The following GRIK1 variants were observed in gnomAD, a reference collection of about 807,000 sequenced individuals.
GRIK1 encodes the protein glutamate ionotropic receptor kainate type subunit 1.
In GRIK1, 69 loss-of-function variants were observed where a neutral mutation model predicts 105.7. That is an observed-to-expected ratio of 0.65 (90% confidence interval 0.54 to 0.80). The LOEUF is 0.80. Ranked by LOEUF, GRIK1 falls within the 30% of genes least tolerant of loss-of-function variation. The pLI is 0.00. For synonymous variants in GRIK1, 438 were observed against 431.3 expected (o/e 1.02, Z -0.19); for missense variants, 1,109 against 1,167.3 (o/e 0.95, Z 0.73).
At chr21:29,685,214 C>T (rs1019613663) in intron 3 of GRIK1, among the ~76,000 whole-genome samples, 1 of 152,126 alleles carries the variant, frequency 6.6e-6, no homozygotes, top group Admixed American at 6.5e-5. Context: ...CAACGTATTG[C>T]AGAAGCCATT....
chr21:29,901,435 A>G (rs11118624), intron 1 of GRIK1, among the ~76,000 whole-genome samples: 1 of 152,178 alleles, frequency 6.6e-6, no homozygotes, highest in Non-Finnish European at 1.5e-5. Context: ...AAAATCAAAT[A>G]GATGCAATAA....
intron 7 of GRIK1, among the ~76,000 whole-genome samples, chr21:29,626,355 C>T (rs1346508322): frequency 2.0e-5 from 3 of 152,284 alleles, no homozygotes; most frequent in Non-Finnish European, 2.9e-5. Flanking sequence ...CACCACTTAA[C>T]GCTGTTGCAT....
At chr21:29,891,249 T>G (rs1019741380) in intron 1 of GRIK1, among the ~76,000 whole-genome samples, 1 of 152,120 alleles carries the variant, frequency 6.6e-6, no homozygotes, top group Non-Finnish European at 1.5e-5. Context: ...TCATAAAAAG[T>G]GAAATATCTC....
At chr21:29,919,876 C>A (rs1022120694) in intron 1 of GRIK1, among the ~76,000 whole-genome samples, 3 of 152,088 alleles carry the variant, frequency 2.0e-5, no homozygotes, top group African/African-American at 7.2e-5. Flanking sequence ...CAGTGAGGAC[C>A]TCTTTGTTCC....
chr21:29,604,075 T>G (rs1309731075), intron 7 of GRIK1, among the ~76,000 whole-genome samples: 1 of 152,200 alleles, frequency 6.6e-6, no homozygotes, highest in African/African-American at 2.4e-5. Context: ...TAGCGGGGTC[T>G]TAAAACCCAG....
chr21:29,846,459 GAGAGAGAAAGAAAGAA>G (rs1569154531), intron 1 of GRIK1, among the ~76,000 whole-genome samples: 7 of 106,210 alleles, frequency 6.6e-5, no homozygotes, highest in African/African-American at 2.0e-4. Context: ...GAAGGAAAGA[GAGAGAGAAAGAAAGAA>G]AGAAAGAAAG....
chr21:29,730,155 T>C (rs2064576934), intron 1 of GRIK1, among the ~76,000 whole-genome samples: 1 of 152,198 alleles, frequency 6.6e-6, no homozygotes, highest in African/African-American at 2.4e-5. Context: ...AGTCCGTACC[T>C]GAAGGAACTG....
chr21:29,636,881 C>A (rs1483570818), intron 7 of GRIK1, among the ~76,000 whole-genome samples: 2 of 152,126 alleles, frequency 1.3e-5, no homozygotes, highest in East Asian at 3.9e-4. Flanking sequence ...TAGCAGACAA[C>A]TTCCAATTGT....
At chr21:29,798,100 G>A (rs1251334751) in intron 1 of GRIK1, among the ~76,000 whole-genome samples, 6 of 152,110 alleles carry the variant, frequency 3.9e-5, no homozygotes, top group Non-Finnish European at 5.9e-5. Flanking sequence ...CCTGAATACC[G>A]ACTGGAAGAA....
intron 1 of GRIK1, among the ~76,000 whole-genome samples, chr21:29,790,495 AC>A (rs1295127751): frequency 1.3e-5 from 2 of 150,850 alleles, no homozygotes; most frequent in Non-Finnish European, 2.9e-5. Flanking sequence ...TCTTGCTGTC[AC>A]CCAGTCTGAA....
chr21:29,924,211 G>A (rs533049779), intron 1 of GRIK1, among the ~76,000 whole-genome samples: 30 of 151,678 alleles, frequency 2.0e-4, no homozygotes, highest in Admixed American at 1.2e-3. Flanking sequence ...GGTGGCGGGC[G>A]CCTGTAATCC....
chr21:29,853,354 AC>A (rs1421626349), intron 1 of GRIK1, among the ~76,000 whole-genome samples: 16 of 152,180 alleles, frequency 1.1e-4, no homozygotes, highest in African/African-American at 3.9e-4. Context: ...ATGTGGCAGC[AC>A]CCTTGGCCAA....
intron 1 of GRIK1, among the ~76,000 whole-genome samples, chr21:29,891,035 A>T (rs1000821383): frequency 6.6e-6 from 1 of 152,214 alleles, no homozygotes; most frequent in Non-Finnish European, 1.5e-5. Flanking sequence ...CTCTGATATA[A>T]CATCTTTTTT....
chr21:29,771,689 C>T (rs1424223608), intron 1 of GRIK1, among the ~76,000 whole-genome samples: 1 of 152,172 alleles, frequency 6.6e-6, no homozygotes, highest in Non-Finnish European at 1.5e-5. Context: ...CCAGTGTGGG[C>T]TGGATATCAC....
At chr21:29,759,634 GAGAAC>G (rs1416448357) in intron 1 of GRIK1, among the ~76,000 whole-genome samples, 1 of 152,204 alleles carries the variant, frequency 6.6e-6, no homozygotes, top group African/African-American at 2.4e-5. Context: ...TGTGGAGAGG[GAGAAC>G]AGAAGTCAGA....
chr21:29,609,427 G>A (rs563505154), intron 7 of GRIK1, among the ~76,000 whole-genome samples: 1 of 152,308 alleles, frequency 6.6e-6, no homozygotes, highest in South Asian at 2.1e-4. Context: ...CACCAGGTGT[G>A]ATGGTTCACA....
At chr21:29,711,521 A>T (rs576354735) in intron 1 of GRIK1, among the ~76,000 whole-genome samples, 4 of 152,028 alleles carry the variant, frequency 2.6e-5, no homozygotes, top group African/African-American at 9.7e-5. Context: ...CCCTTACAAT[A>T]GACACCAAGG....
chr21:29,755,562 G>A lies in GRIK1; in HGVS notation c.119-61499C>T, dbSNP rs542479200. 3.3e-5 allele frequency among the ~76,000 whole-genome samples: 5 copies of A among 152,310 alleles called. No homozygotes were observed. The South Asian group carries it at 6.2e-4, about 19-fold the overall frequency. On this transcript the variant is annotated intron_variant, in intron 1 of 17. Transcript: ENST00000327783. ...ATGTGGTAAAGTCATAGCGGCCACC[G>A]CAAAACATCGCTCCAGAGAGTCAAT...
intron 15 of GRIK1, among the ~76,000 whole-genome samples, chr21:29,560,832 C>T (rs1227791101): frequency 6.6e-6 from 1 of 151,978 alleles, no homozygotes; most frequent in Non-Finnish European, 1.5e-5. Flanking sequence ...GATCTCCTGA[C>T]CTCGTGATCT....
Sources: allele counts gnomAD v4.1 joint callset (sites outside exome capture counted in the v4.1 genomes callset), GRCh38; gene constraint gnomAD v4.1.1; transcripts MANE v1.5; gene names NCBI Gene and HGNC (gene_info 2026-07-23, HGNC 2026-07-21).